The following EPHA3 variants were observed in gnomAD, a reference collection of about 807,000 sequenced individuals.
The protein encoded by EPHA3 is ephrin type-A receptor 3.
Under a neutral mutation model 107.1 loss-of-function variants are expected in EPHA3, and 42 were observed. That is an observed-to-expected ratio of 0.39 (90% CI 0.31 to 0.51). The LOEUF (loss-of-function observed/expected upper bound fraction) is 0.51, where lower values mean the gene tolerates loss of function less well. Among genes scored for constraint, EPHA3 ranks in the 20% least tolerant of loss-of-function variants. The pLI is 0.78. For synonymous variants in EPHA3, 461 were observed against 424.8 expected (o/e 1.09, Z -1.05); for missense variants, 1,183 against 1,211.2 (o/e 0.98, Z 0.35).
intron 3 of EPHA3, among the ~76,000 whole-genome samples, chr3:89,271,243 C>G (rs1705660565): frequency 6.6e-6 from 1 of 151,566 alleles, no homozygotes; most frequent in South Asian, 2.1e-4. Context: ...TTTGTATAAG[C>G]AAGAAACCAC....
At chr3:89,239,834 T>A (rs1373378799) in intron 3 of EPHA3, among the ~76,000 whole-genome samples, 1 of 152,228 alleles carries the variant, frequency 6.6e-6, no homozygotes, top group Non-Finnish European at 1.5e-5. Flanking sequence ...CATGTTTCAG[T>A]ATGCTTTCCT....
chr3:89,165,770 T>C (rs1255292974), intron 2 of EPHA3, among the ~76,000 whole-genome samples: 1 of 152,240 alleles, frequency 6.6e-6, no homozygotes, highest in Non-Finnish European at 1.5e-5. Flanking sequence ...TCCAAGGCTG[T>C]TCAGGCCTTG....
chr3:89,345,516 C>A lies in EPHA3; in HGVS notation c.1306+3426C>A, dbSNP rs191275702. Among the ~76,000 whole-genome samples, 3 of 151,180 alleles carry A rather than the reference C, an allele frequency of 2.0e-5. No homozygotes were observed. In the Admixed American group the frequency reaches 2.0e-4, roughly 10 times the overall value. On this transcript the variant is annotated intron_variant, in intron 5 of 16. Transcript: ENST00000336596. ...TTCCACGTGCTTTATCCGTCCCACC[C>A]CCATCTCTCTTTCTATGTAAATGTT...
intron 5 of EPHA3, among the ~76,000 whole-genome samples, chr3:89,344,717 G>A (rs751294078): frequency 1.3e-5 from 2 of 152,152 alleles, no homozygotes; most frequent in Non-Finnish European, 2.9e-5. Context: ...TATCTTTGAC[G>A]TGGATATAAA....
At chr3:89,472,015 C>G (rs976902920) in intron 15 of EPHA3, among the ~76,000 whole-genome samples, 90 of 152,192 alleles carry the variant, frequency 5.9e-4, no homozygotes, top group African/African-American at 2.0e-3. Context: ...CTTTAGACAG[C>G]AACCTGTGCA....
chr3:89,323,630 CT>C (rs1411992412), intron 3 of EPHA3, among the ~76,000 whole-genome samples: 1 of 151,996 alleles, frequency 6.6e-6, no homozygotes, highest in African/African-American at 2.4e-5. Flanking sequence ...AAAACACAGG[CT>C]TTCTATTTTT....
At chr3:89,352,463 G>A (rs1707849227) in intron 5 of EPHA3, among the ~76,000 whole-genome samples, 1 of 150,988 alleles carries the variant, frequency 6.6e-6, no homozygotes, top group Non-Finnish European at 1.5e-5. Flanking sequence ...AGGCTTTCTC[G>A]TTCATGGTTT....
At chr3:89,266,991 A>T (rs912458309) in intron 3 of EPHA3, among the ~76,000 whole-genome samples, 3 of 152,168 alleles carry the variant, frequency 2.0e-5, no homozygotes, top group Non-Finnish European at 4.4e-5. Context: ...TTTCATTAAA[A>T]AAATGAAATT....
intron 3 of EPHA3, among the ~76,000 whole-genome samples, chr3:89,324,082 A>G (rs1351373703): frequency 6.6e-6 from 1 of 151,676 alleles, no homozygotes; most frequent in African/African-American, 2.4e-5. Flanking sequence ...CTTTGCTCAT[A>G]TAGCCATTCC....
intron 3 of EPHA3, among the ~76,000 whole-genome samples, chr3:89,303,036 G>A (rs1396853145): frequency 6.6e-6 from 1 of 151,958 alleles, no homozygotes; most frequent in East Asian, 1.9e-4. Flanking sequence ...GGGATTACTG[G>A]TATCTGCTAC....
Position 89,219,688 on chromosome 3 carries a change from G to GTT in EPHA3, c.814+9181_814+9182dup, listed in dbSNP as rs1553666928. The stretch of plus-strand genomic sequence containing the variant: ...TTACCTCCAAGAGGCATTTGGCAAT[G>GTT]TTTTTTTTTTTTTTGTTTTTTGTTT... On this transcript the variant is annotated intron_variant, in intron 3 of 16. Coordinates refer to ENST00000336596, the MANE Select transcript of EPHA3 (RefSeq NM_005233.6). Among the ~76,000 whole-genome samples the GTT allele has an allele frequency of 7.1e-3, 245 of 34,424 alleles. 33 individuals are homozygous for GTT. Among genetic ancestry groups the GTT allele is most frequent in the African/African-American group, 0.013 (103 of 8,238 alleles). 22.6% of individuals were successfully genotyped at this position (34,424 alleles called of 152,430 possible). A position where few individuals can be genotyped will look rare whatever the true frequency, so the allele number is the denominator to read the frequency against.
intron 15 of EPHA3, among the ~76,000 whole-genome samples, chr3:89,470,844 G>A (rs1239105303): frequency 3.9e-5 from 6 of 152,110 alleles, no homozygotes; most frequent in Admixed American, 3.3e-4. Context: ...ATGTGATTTA[G>A]TTTCAGCTTC....
intron 13 of EPHA3, among the ~76,000 whole-genome samples, chr3:89,441,750 G>A (rs549505581): frequency 6.6e-5 from 10 of 152,232 alleles, no homozygotes; most frequent in South Asian, 2.1e-4. Flanking sequence ...ATATGCATAC[G>A]CTCTGTGATG....
intron 3 of EPHA3, among the ~76,000 whole-genome samples, chr3:89,296,930 G>GCTT: frequency 6.6e-6 from 1 of 152,232 alleles, no homozygotes; most frequent in Non-Finnish European, 1.5e-5. Flanking sequence ...TATGCAGATA[G>GCTT]CTTCTTTCTT....
chr3:89,446,691 T>C (rs1457107313), intron 13 of EPHA3, among the ~76,000 whole-genome samples: 2 of 152,128 alleles, frequency 1.3e-5, no homozygotes, highest in Admixed American at 6.6e-5. Context: ...AAAGGGCTTT[T>C]TTTTTTCTTT....
chr3:89,467,605 C>G (rs1710311541), intron 15 of EPHA3, among the ~76,000 whole-genome samples: 1 of 152,098 alleles, frequency 6.6e-6, no homozygotes, highest in Non-Finnish European at 1.5e-5. Flanking sequence ...GTTTATTGAG[C>G]TTTTTCCCCA....
At chr3:89,362,618 G>C (rs1708115882) in intron 5 of EPHA3, among the ~76,000 whole-genome samples, 1 of 150,914 alleles carries the variant, frequency 6.6e-6, no homozygotes, top group African/African-American at 2.4e-5. Context: ...ATTGTATAAG[G>C]AGTGTACTGG....
At chr3:89,187,902 C>T (rs1326908748) in intron 2 of EPHA3, among the ~76,000 whole-genome samples, 3 of 152,058 alleles carry the variant, frequency 2.0e-5, no homozygotes, top group African/African-American at 7.2e-5. Context: ...TATTAATTAA[C>T]ACTAAAAATC....
intron 3 of EPHA3, among the ~76,000 whole-genome samples, chr3:89,256,638 G>GGAC: frequency 6.6e-6 from 1 of 152,174 alleles, no homozygotes; most frequent in Admixed American, 6.5e-5. Context: ...AGTCCTCTAA[G>GGAC]TATATCCCTA....
Sources: allele counts gnomAD v4.1 joint callset (sites outside exome capture counted in the v4.1 genomes callset), GRCh38; gene constraint gnomAD v4.1.1; transcripts MANE v1.5; gene names NCBI Gene and HGNC (gene_info 2026-07-23, HGNC 2026-07-21).